GNG11: variants seen among roughly 807,000 people sequenced by gnomAD.
GNG11 encodes the protein guanine nucleotide-binding protein G(I)/G(S)/G(O) subunit gamma-11.
Under a neutral mutation model 7.4 loss-of-function variants are expected in GNG11, and 6 were observed. The ratio of observed to expected loss-of-function variants is 0.81; its 90% CI spans 0.44 to 1.60. The LOEUF (loss-of-function observed/expected upper bound fraction) is 1.60, where lower values mean the gene tolerates loss of function less well. Ranked by LOEUF, GNG11 falls within the 40% of genes most tolerant of loss-of-function variation. GNG11 has a pLI of 0.01. For synonymous variants in GNG11, 31 were observed against 25.9 expected (o/e 1.20, Z -0.60); for missense variants, 65 against 83.0 (o/e 0.78, Z 0.84).
chr7:93,923,732 A>T (rs1794643663), intron 1 of GNG11, among the ~76,000 whole-genome samples: 1 of 152,204 alleles, frequency 6.6e-6, no homozygotes, highest in Non-Finnish European at 1.5e-5. Flanking sequence ...TGTGGATGCA[A>T]CCGACTATGT....
intron 1 of GNG11, among the ~76,000 whole-genome samples, chr7:93,923,502 C>A (rs1031659433): frequency 6.6e-6 from 1 of 152,136 alleles, no homozygotes; most frequent in African/African-American, 2.4e-5. Flanking sequence ...CCTTAAGGGA[C>A]CCATTTTATG....
chr7:93,925,901 G>T (rs1794671750), intron 1 of GNG11, among the ~76,000 whole-genome samples, 190 bp from the exon 2 acceptor site: 1 of 151,442 alleles, frequency 6.6e-6, no homozygotes, highest in African/African-American at 2.4e-5. Flanking sequence ...AAAAATATTA[G>T]AGTGCAGAGC....
chr7:93,922,104 C>T lies in GNG11; in HGVS notation c.-34C>T, dbSNP rs374925239. 1.8e-5 allele frequency: 25 copies of T among 1,367,670 alleles called. 1 individual carries two copies. In the Middle Eastern group the frequency reaches 8.0e-4, roughly 44 times the overall value. 84.7% of individuals were successfully genotyped at this position (1,367,670 alleles called of 1,614,324 possible). On this transcript the variant is annotated 5_prime_UTR_variant, in exon 1 of 2. Coordinates refer to ENST00000248564, the MANE Select transcript of GNG11 (RefSeq NM_004126.4). ...CGCCGCTCTTCCAGCGGCTCCGCTG[C>T]CAGAGCTAGCCCGAGCCCGGTTCTG...
intron 1 of GNG11, 41 bp downstream of exon 1, chr7:93,922,274 A>C (rs766794277): frequency 1.6e-6 from 2 of 1,226,924 alleles, no homozygotes; most frequent in East Asian, 5.1e-5. Flanking sequence ...TCTGAAATGA[A>C]GCAGGGTCCG....
chr7:93,925,623 C>A (rs1217396455), intron 1 of GNG11, among the ~76,000 whole-genome samples: 1 of 152,084 alleles, frequency 6.6e-6, no homozygotes, highest in African/African-American at 2.4e-5. Context: ...GCATTACACA[C>A]CCCAAAACAT....
intron 1 of GNG11, among the ~76,000 whole-genome samples, chr7:93,925,136 C>T (rs1357440486): frequency 1.3e-5 from 2 of 152,208 alleles, no homozygotes; most frequent in East Asian, 3.9e-4. Context: ...TGCACTCCAG[C>T]CTGGGCAATA....
At chr7:93,922,932 T>C (rs1259451257) in intron 1 of GNG11, among the ~76,000 whole-genome samples, 1 of 152,198 alleles carries the variant, frequency 6.6e-6, no homozygotes, top group Non-Finnish European at 1.5e-5. Flanking sequence ...TGAGAACATA[T>C]GACCCAGTAT....
chr7:93,923,770 G>C (rs1233267024), intron 1 of GNG11, among the ~76,000 whole-genome samples: 3 of 152,154 alleles, frequency 2.0e-5, no homozygotes, highest in East Asian at 3.8e-4. Flanking sequence ...TTCATTAGCA[G>C]TTTCTCCCTG....
In GNG11 at chr7:93,927,670, C is replaced by T. The variant is rs554279351; in HGVS notation, c.*1454C>T. On this transcript the variant is annotated 3_prime_UTR_variant, in exon 2 of 2. Transcript: ENST00000248564. ...TCTAAAGTATATCAGCATCCTCGTTCTGAAATTCCTTTCCTTTCCCTCTCT... is the reference window on the plus strand; with the variant it reads ...TCTAAAGTATATCAGCATCCTCGTTTTGAAATTCCTTTCCTTTCCCTCTCT... The T allele has an allele frequency of 2.0e-5, 3 of 152,290 alleles. No individual in the cohort carries two copies. Among genetic ancestry groups the T allele is most frequent in the Admixed American group, 1.3e-4 (2 of 15,298 alleles). The allele number at this position is 152,290 out of a possible 1,614,324, so 9.4% of individuals were successfully genotyped here. A position where few individuals can be genotyped will look rare whatever the true frequency, so the allele number is the denominator to read the frequency against.
In GNG11 at chr7:93,928,260, C is replaced by T. The variant is rs1794707639; in HGVS notation, c.*2044C>T. On this transcript the variant is annotated 3_prime_UTR_variant, in exon 2 of 2. Transcript: ENST00000248564. Reference sequence around the variant, plus strand: ...TTTTGCTCTTCATGTCTCTTTCAACCATATGATCAATCAGTTGGACGACTT... The same window carrying T: ...TTTTGCTCTTCATGTCTCTTTCAACTATATGATCAATCAGTTGGACGACTT... The T allele has an allele frequency of 2.0e-5, 3 of 152,148 alleles. No individual in the cohort carries two copies. Among genetic ancestry groups the T allele is most frequent in the Admixed American group, 2.0e-4 (3 of 15,284 alleles). 9.4% of individuals were successfully genotyped at this position (152,148 alleles called of 1,614,324 possible).
chr7:93,924,127 A>T (rs1794647340), intron 1 of GNG11, among the ~76,000 whole-genome samples: 3 of 152,156 alleles, frequency 2.0e-5, no homozygotes, highest in Non-Finnish European at 4.4e-5. Flanking sequence ...TCTCATTCCC[A>T]GTCCATTATT....
chr7:93,921,932 C>G lies in GNG11; in HGVS notation c.-206C>G. The G allele has an allele frequency of 2.2e-6, 1 of 463,126 alleles. No homozygotes were observed. The highest frequency in any genetic ancestry group is 3.9e-6 in the Non-Finnish European group (1 of 253,384). The allele number at this position is 463,126 out of a possible 1,614,324, so 28.7% of individuals were successfully genotyped here. The stretch of plus-strand genomic sequence containing the variant: ...TGAGAAAAGGCAGAGTTCTCAGGTC[C>G]TAGGAAGCTGGGGCACGCTGGCGTG... On this transcript the variant is annotated 5_prime_UTR_variant, in exon 1 of 2. Transcript: ENST00000248564.
chr7:93,923,112 C>A (rs1794636495), intron 1 of GNG11, among the ~76,000 whole-genome samples: 1 of 152,138 alleles, frequency 6.6e-6, no homozygotes, highest in African/African-American at 2.4e-5. Flanking sequence ...AGATAATTAA[C>A]CTTTCCTCTT....
At chr7:93,922,857 A>C (rs1794633922) in intron 1 of GNG11, among the ~76,000 whole-genome samples, 1 of 152,216 alleles carries the variant, frequency 6.6e-6, no homozygotes, top group African/African-American at 2.4e-5. Flanking sequence ...GGTGCATATG[A>C]AAAATTTTTT....
chr7:93,925,915 G>C (rs1584101459), intron 1 of GNG11, among the ~76,000 whole-genome samples, 176 bp from the exon 2 acceptor site: 3 of 151,198 alleles, frequency 2.0e-5, no homozygotes, highest in South Asian at 2.1e-4. Flanking sequence ...GCAGAGCCCA[G>C]ATTTTATATA....
intron 1 of GNG11, among the ~76,000 whole-genome samples, chr7:93,924,926 A>G (rs1305338515): frequency 6.6e-6 from 1 of 152,162 alleles, no homozygotes; most frequent in Non-Finnish European, 1.5e-5. Flanking sequence ...GCACTTTGGG[A>G]GGCCAAGGCG....
chr7:93,926,287 T>C lies in GNG11; in HGVS notation c.*71T>C. 2.6e-6 allele frequency: 3 copies of C among 1,173,746 alleles called. No homozygotes were observed. Among genetic ancestry groups the C allele is most frequent in the Admixed American group, 4.9e-5 (2 of 40,434 alleles). 72.7% of individuals were successfully genotyped at this position (1,173,746 alleles called of 1,614,324 possible). The stretch of plus-strand genomic sequence containing the variant: ...TTAGTTTTCCCAGATAAAACCAACA[T>C]GCTTTTTAAGGAAGGAAGAATGAAA... On this transcript the variant is annotated 3_prime_UTR_variant, in exon 2 of 2. Coordinates refer to ENST00000248564, the MANE Select transcript of GNG11 (RefSeq NM_004126.4).
chr7:93,925,687 A>T (rs550742240), intron 1 of GNG11, among the ~76,000 whole-genome samples: 1 of 152,324 alleles, frequency 6.6e-6, no homozygotes, highest in Non-Finnish European at 1.5e-5. Context: ...TTAAAATAAG[A>T]GTATATTTCA....
At chr7:93,925,286 T>C (rs1321342596) in intron 1 of GNG11, among the ~76,000 whole-genome samples, 1 of 152,224 alleles carries the variant, frequency 6.6e-6, no homozygotes, top group African/African-American at 2.4e-5. Flanking sequence ...TTGTTTTTAT[T>C]CTTTTTTTAA....
Sources: allele counts gnomAD v4.1 joint callset (sites outside exome capture counted in the v4.1 genomes callset), GRCh38; gene constraint gnomAD v4.1.1; transcripts MANE v1.5; gene names NCBI Gene and HGNC (gene_info 2026-07-23, HGNC 2026-07-21).